The following CREB5 variants were observed in gnomAD, a reference collection of about 807,000 sequenced individuals.
The protein encoded by CREB5 is cyclic AMP-responsive element-binding protein 5.
CREB5 carries 19 observed loss-of-function variants against 57.1 expected under a neutral mutation model. The ratio of observed to expected loss-of-function variants is 0.33; its 90% confidence interval spans 0.23 to 0.49. The LOEUF (loss-of-function observed/expected upper bound fraction) is 0.49, where lower values mean the gene tolerates loss of function less well. Ranked by LOEUF, CREB5 falls within the 20% of genes least tolerant of loss-of-function variation. CREB5 has a pLI of 0.99. For synonymous variants in CREB5, 238 were observed against 238.3 expected (o/e 1.00, Z 0.01); for missense variants, 579 against 671.6 (o/e 0.86, Z 1.52).
Position 28,557,026 on chromosome 7 carries a change from G to GAGTGCAATTTTAACA in CREB5, c.292-13338_292-13337insGTGCAATTTTAACAA, listed in dbSNP as rs1554343349. Reference sequence around the variant, plus strand: ...CTTCTCTTACTCTTGTAGGCCTAGGGATACTAACAGCTCCCTGCTGAAACT... The same window carrying GAGTGCAATTTTAACA: ...CTTCTCTTACTCTTGTAGGCCTAGGGAGTGCAATTTTAACAATACTAACAGCTCCCTGCTGAAACT... On this transcript the variant is annotated intron_variant, in intron 4 of 10. Coordinates refer to ENST00000357727, the MANE Select transcript of CREB5 (RefSeq NM_182898.4). Among the ~76,000 whole-genome samples, 18 of 144,864 alleles carry GAGTGCAATTTTAACA rather than the reference G, an allele frequency of 1.2e-4. 2 individuals are homozygous for GAGTGCAATTTTAACA. Among genetic ancestry groups the GAGTGCAATTTTAACA allele is most frequent in the South Asian group, 2.1e-4 (1 of 4,712 alleles).
chr7:28,687,674 C>T (rs1485907002), intron 5 of CREB5, among the ~76,000 whole-genome samples: 1 of 151,812 alleles, frequency 6.6e-6, no homozygotes, highest in Admixed American at 6.6e-5. Flanking sequence ...TTGAGGCATG[C>T]GGCACATACC....
intron 5 of CREB5, among the ~76,000 whole-genome samples, chr7:28,690,250 G>A (rs557182446): frequency 6.6e-6 from 1 of 152,264 alleles, no homozygotes; most frequent in Admixed American, 6.5e-5. Context: ...AGGTGGAGGA[G>A]GAGAGATGGC....
In CREB5 at chr7:28,389,103, T is replaced by C. The variant is rs148724605; in HGVS notation, c.-25+89662T>C. 1.1e-4 allele frequency among the ~76,000 whole-genome samples: 16 copies of C among 152,304 alleles called. No individual in the cohort carries two copies. In the East Asian group the frequency reaches 3.1e-3, roughly 29 times the overall value. ...ATACAGGCATAGTTTATCAACAGCG[T>C]CAGAGCTTTCTCACATGCAAAAGCC... On this transcript the variant is annotated intron_variant, in intron 1 of 9. Coordinates refer to the CREB5 transcript ENST00000396299.
chr7:28,500,622 G>A (rs1454858962), intron 3 of CREB5, among the ~76,000 whole-genome samples: 1 of 152,142 alleles, frequency 6.6e-6, no homozygotes, highest in Non-Finnish European at 1.5e-5. Flanking sequence ...GTAATTCAGG[G>A]AAGTAAAACA....
chr7:28,330,790 C>T (rs1785701660), intron 1 of CREB5, among the ~76,000 whole-genome samples: 2 of 152,132 alleles, frequency 1.3e-5, no homozygotes. Flanking sequence ...TTCAAATTTG[C>T]AGTAATTGGA....
intron 5 of CREB5, among the ~76,000 whole-genome samples, chr7:28,691,888 G>A (rs960161619): frequency 6.6e-6 from 1 of 152,040 alleles, no homozygotes; most frequent in Non-Finnish European, 1.5e-5. Flanking sequence ...AGCAGCTGTG[G>A]CTGGGCGTGG....
intron 3 of CREB5, among the ~76,000 whole-genome samples, chr7:28,497,133 T>C (rs979785126): frequency 1.3e-5 from 2 of 152,200 alleles, no homozygotes; most frequent in Non-Finnish European, 2.9e-5. Flanking sequence ...GTTTAGGGAA[T>C]GATGATTATG....
At chr7:28,419,219 G>GT (rs760838479) in intron 1 of CREB5, among the ~76,000 whole-genome samples, 46 of 152,206 alleles carry the variant, frequency 3.0e-4, no homozygotes, top group Non-Finnish European at 4.8e-4. Flanking sequence ...TTACTCATCT[G>GT]TTTTGGGGAT....
At chr7:28,479,992 A>G (rs1247245284) in intron 1 of CREB5, among the ~76,000 whole-genome samples, 1 of 146,760 alleles carries the variant, frequency 6.8e-6, no homozygotes, top group Non-Finnish European at 1.5e-5. Context: ...TGCTGAAGAT[A>G]TAGATACTTA....
intron 1 of CREB5, among the ~76,000 whole-genome samples, chr7:28,464,527 G>T (rs1223020983): frequency 1.3e-5 from 2 of 151,504 alleles, no homozygotes; most frequent in Admixed American, 6.6e-5. Flanking sequence ...GTGTGTGTGT[G>T]TGTGTGTGTG....
upstream of CREB5, chr7:28,409,916 C>T: frequency 2.2e-6 from 1 of 455,238 alleles, no homozygotes; most frequent in Non-Finnish European, 4.4e-6. The surrounding 1 kb of genome is among the most constrained non-coding windows in gnomAD (Gnocchi z 4.4). Flanking sequence ...AGGTGCGGAG[C>T]CCTCCAGAAG....
intron 3 of CREB5, among the ~76,000 whole-genome samples, chr7:28,504,236 CAA>C (rs1216810600): frequency 6.6e-6 from 1 of 152,162 alleles, no homozygotes; most frequent in Non-Finnish European, 1.5e-5. Flanking sequence ...AATGCCTTGT[CAA>C]ATAACTATTT....
intron 5 of CREB5, among the ~76,000 whole-genome samples, chr7:28,592,034 C>T (rs1279622575): frequency 7.2e-5 from 11 of 152,152 alleles, no homozygotes; most frequent in Non-Finnish European, 1.3e-4. Flanking sequence ...ATTCTGATTC[C>T]TCAGACCCTT....
chr7:28,381,891 G>T (rs190270117), intron 1 of CREB5, among the ~76,000 whole-genome samples: 53 of 152,342 alleles, frequency 3.5e-4, no homozygotes, highest in Non-Finnish European at 6.8e-4. Context: ...TGGAGAGACA[G>T]TATATATAAA....
intron 1 of CREB5, among the ~76,000 whole-genome samples, chr7:28,327,436 C>G (rs1785630053): frequency 6.6e-6 from 1 of 152,158 alleles, no homozygotes; most frequent in Admixed American, 6.5e-5. Flanking sequence ...AGGCCTAACA[C>G]TCATCTGCAA....
intron 6 of CREB5, among the ~76,000 whole-genome samples, chr7:28,722,636 G>C (rs566214711): frequency 6.1e-4 from 93 of 152,254 alleles, no homozygotes; most frequent in Non-Finnish European, 1.0e-3. Context: ...AGATTTAGGG[G>C]GGTGCGTGGG....
chr7:28,687,626 G>A (rs1174556942), intron 5 of CREB5, among the ~76,000 whole-genome samples: 1 of 151,264 alleles, frequency 6.6e-6, no homozygotes, highest in Admixed American at 6.6e-5. Flanking sequence ...CTTCTCTTGG[G>A]CTTATTTAGA....
At chr7:28,410,585 C>T (rs1191963551), upstream of CREB5, 2 of 455,976 alleles carry the variant, frequency 4.4e-6, no homozygotes, top group Admixed American at 2.3e-5. Context: ...ACCCCCATCC[C>T]CAACTTTCCC....
At chr7:28,741,046 C>T (rs1054220686) in intron 7 of CREB5, among the ~76,000 whole-genome samples, 1 of 147,962 alleles carries the variant, frequency 6.8e-6, no homozygotes, top group African/African-American at 2.5e-5. Context: ...TTCTACTTGA[C>T]TAAAGGTTGT....
Sources: allele counts gnomAD v4.1 joint callset (sites outside exome capture counted in the v4.1 genomes callset), GRCh38; gene constraint gnomAD v4.1.1; non-coding constraint Gnocchi (gnomAD v3.1); transcripts MANE v1.5; gene names NCBI Gene and HGNC (gene_info 2026-07-23, HGNC 2026-07-21).